PCDHGA7: variants seen among roughly 807,000 people sequenced by gnomAD.
PCDHGA7 encodes protocadherin gamma-A7.
PCDHGA7 carries 44 observed loss-of-function variants against 58.3 expected under a neutral mutation model. That is an observed-to-expected ratio of 0.75 (90% CI 0.59 to 0.97). The LOEUF (loss-of-function observed/expected upper bound fraction) is 0.97, where lower values mean the gene tolerates loss of function less well. PCDHGA7 is among the 50% of genes least tolerant of loss of function. The pLI is 0.00. For synonymous variants in PCDHGA7, 516 were observed against 504.2 expected, an observed-to-expected ratio of 1.02 and a Z score of -0.31; for missense variants, 1,266 against 1,188.7, an observed-to-expected ratio of 1.06 and a Z score of -0.96.
At chr5:141,403,905 A>G in intron 1 of PCDHGA7, 1 of 1,613,894 alleles carries the variant, frequency 6.2e-7, no homozygotes, top group Non-Finnish European at 8.5e-7. Context: ...TATGAAATGG[A>G]AATACAAGCT....
At chr5:141,501,841 C>T (rs2099811330) in intron 2 of PCDHGA7, among the ~76,000 whole-genome samples, 1 of 152,130 alleles carries the variant, frequency 6.6e-6, no homozygotes, top group African/African-American at 2.4e-5. Flanking sequence ...CTGTTTGGCC[C>T]TCAACCTTCA....
intron 1 of PCDHGA7, among the ~76,000 whole-genome samples, chr5:141,425,820 C>T (rs978139996): frequency 6.6e-6 from 1 of 152,156 alleles, no homozygotes; most frequent in Admixed American, 6.5e-5. Flanking sequence ...TAGAAAAAAA[C>T]AAACTTTTAA....
At chr5:141,419,152 G>A (rs2096335735) in intron 1 of PCDHGA7, 25 of 1,613,916 alleles carry the variant, frequency 1.5e-5, no homozygotes, top group East Asian at 4.5e-5. Context: ...GCAAGCCTCC[G>A]TTATCCTCCA....
Position 141,383,630 on chromosome 5 carries a change from T to C in PCDHGA7, c.731T>C (p.Leu244Pro). ...AATGACCACACGCCTGTCTTCTCTC[T>C]GCCTCAGTACCAAGTAACTGTCCCC... Reference protein sequence around the residue: ...DVNDHTPVFSLPQYQVTVPEN... With the variant: ...DVNDHTPVFSPPQYQVTVPEN... The change falls in exon 1 of 4, where the codon CTG becomes CCG. Residue 244 changes from leucine to proline, a missense_variant. Transcript: ENST00000518325. 1 of 1,613,986 alleles carries C rather than the reference T, an allele frequency of 6.2e-7. No individual in the cohort carries two copies. The highest frequency in any genetic ancestry group is 8.5e-7 in the Non-Finnish European group (1 of 1,179,904).
Position 141,389,732 on chromosome 5 carries a change from C to T in PCDHGA7, c.2424+4409C>T, listed in dbSNP as rs765577336. 11 of 1,612,674 alleles carry T rather than the reference C, an allele frequency of 6.8e-6. No homozygotes were observed. The South Asian group carries it at 1.2e-4, about 18-fold the overall frequency. ...AGGCTAGCGAGCCCGGGCTCTTCAGCCTGGGGCTGCGCACGGGCGAAGTGC... is the reference window on the plus strand; with the variant it reads ...AGGCTAGCGAGCCCGGGCTCTTCAGTCTGGGGCTGCGCACGGGCGAAGTGC... On this transcript the variant is annotated intron_variant, in intron 1 of 3. Transcript: ENST00000518325.
chr5:141,475,731 C>T (rs991175739), intron 1 of PCDHGA7, among the ~76,000 whole-genome samples: 1 of 152,248 alleles, frequency 6.6e-6, no homozygotes, highest in African/African-American at 2.4e-5. Context: ...GGCTGGCTTT[C>T]CCTAAGGTAG....
chr5:141,418,626 C>A (rs1237600131), intron 1 of PCDHGA7: 2 of 1,613,902 alleles, frequency 1.2e-6, no homozygotes, highest in African/African-American at 2.7e-5. Context: ...GAAGACGTGC[C>A]TCCAGGCACC....
At position 141,505,390 on chromosome 5, in the gene PCDHGA7, C is replaced by T; in HGVS notation, c.2484-3C>T. On this transcript the variant is annotated splice_polypyrimidine_tract_variant and splice_region_variant and intron_variant, in intron 2 of 3. Coordinates refer to ENST00000518325, the MANE Select transcript of PCDHGA7 (RefSeq NM_018920.4). ...TGTGCTCACCATCCTACTCTCTCCCCAGCTCCCAAAATGGCGATGACACCG... is the reference window on the plus strand; with the variant it reads ...TGTGCTCACCATCCTACTCTCTCCCTAGCTCCCAAAATGGCGATGACACCG... The T allele has an allele frequency of 6.2e-7, 1 of 1,614,130 alleles. No individual in the cohort carries two copies.
intron 1 of PCDHGA7, chr5:141,400,093 C>G (rs1225718379): frequency 1.2e-6 from 2 of 1,614,094 alleles, no homozygotes; most frequent in Non-Finnish European, 1.7e-6. Context: ...CACCGCCACG[C>G]TGCACTTGGT....
rs372721131 is a variant in PCDHGA7, at chr5:141,384,652, G to T, written c.1753G>T (p.Gly585Cys). 6.2e-7 allele frequency: 1 copy of T among 1,614,228 alleles called. No homozygotes were observed. The highest frequency in any genetic ancestry group is 1.1e-5 in the South Asian group (1 of 91,086). The change falls in exon 1 of 4, where the codon GGC (glycine) becomes TGC (cysteine). Residue 585 changes from glycine (G) to cysteine (C), a missense_variant. Gly to Cys is a radical substitution (Grantham distance 159, BLOSUM62 -3). Transcript: ENST00000518325. ...MELAPRSAEP[G>C]YLVTKVVAVD... Reference sequence around the variant, plus strand: ...GCTGGCACCCCGCTCCGCAGAGCCCGGCTACCTGGTGACCAAGGTGGTGGC... The same window carrying T: ...GCTGGCACCCCGCTCCGCAGAGCCCTGCTACCTGGTGACCAAGGTGGTGGC...
chr5:141,442,343 G>C (rs1300318674), intron 1 of PCDHGA7: 1 of 152,336 alleles, frequency 6.6e-6, no homozygotes, highest in Non-Finnish European at 1.5e-5. Flanking sequence ...CAGGTTTCTG[G>C]GTAACTGTAG....
chr5:141,476,455 G>C lies in PCDHGA7; in HGVS notation c.2425-18352G>C, dbSNP rs572682842. On this transcript the variant is annotated intron_variant, in intron 1 of 3. Transcript: ENST00000518325. The surrounding 1 kb of genome is among the most constrained non-coding windows in gnomAD (Gnocchi z 7.6). ...CTGTAACTCTGGAGTTGGTAGTGGA[G>C]AACCCGCTGGAGCTGTTCAGCGTGG... 22 of 1,614,152 alleles carry C rather than the reference G, an allele frequency of 1.4e-5. No homozygotes were observed. In the South Asian group the frequency reaches 2.4e-4, roughly 18 times the overall value.
chr5:141,438,619 TATATATATATATATATACACAC>T (rs1408639052), intron 1 of PCDHGA7, among the ~76,000 whole-genome samples: 61 of 39,666 alleles, frequency 1.5e-3, no homozygotes, highest in African/African-American at 9.2e-3. Context: ...TATATATATA[TATATATATATATATATACACAC>T]ACACACACAC....
At chr5:141,409,434 A>T in intron 1 of PCDHGA7, 2 of 1,613,992 alleles carry the variant, frequency 1.2e-6, no homozygotes, top group Non-Finnish European at 1.7e-6. Context: ...GGAGCCCTGG[A>T]CCGAGAGCAG....
chr5:141,394,132 T>C, intron 1 of PCDHGA7: 1 of 1,613,980 alleles, frequency 6.2e-7, no homozygotes, highest in Non-Finnish European at 8.5e-7. Flanking sequence ...CAAATCGCTC[T>C]GCACGTGGCA....
rs1008664105 is a variant in PCDHGA7, at chr5:141,432,402, T to C, written c.2424+47079T>C. 6.2e-7 allele frequency: 1 copy of C among 1,614,194 alleles called. No homozygotes were observed. The highest frequency in any genetic ancestry group is 1.1e-5 in the South Asian group (1 of 91,082). On this transcript the variant is annotated intron_variant, in intron 1 of 3. Transcript: ENST00000518325. The surrounding 1 kb of genome is among the most constrained non-coding windows in gnomAD (Gnocchi z 6.0). ...CCGCCCCTCAGCAGCAACGTGTCGT[T>C]GAGCCTGTTCGTGCTGGACCAGAAC...
chr5:141,432,025 G>T lies in PCDHGA7; in HGVS notation c.2424+46702G>T. ...AGGTTCCTAGCTACAACATCACAGT[G>T]ACCGCCACTGACCGGGGAACCCCGC... On this transcript the variant is annotated intron_variant, in intron 1 of 3. Coordinates refer to ENST00000518325, the MANE Select transcript of PCDHGA7 (RefSeq NM_018920.4). The surrounding 1 kb of genome is among the most constrained non-coding windows in gnomAD (Gnocchi z 6.0). The T allele has an allele frequency of 6.2e-7, 1 of 1,614,158 alleles. No homozygotes were observed. The highest frequency in any genetic ancestry group is 1.1e-5 in the South Asian group (1 of 91,058).
intron 1 of PCDHGA7, among the ~76,000 whole-genome samples, chr5:141,492,869 A>G (rs975868829): frequency 6.6e-6 from 1 of 152,010 alleles, no homozygotes; most frequent in African/African-American, 2.4e-5. Context: ...CTGGCTCTCA[A>G]CCCCCAGAGA....
At chr5:141,399,627 C>A (rs751717107) in intron 1 of PCDHGA7, 19 of 1,613,788 alleles carry the variant, frequency 1.2e-5, no homozygotes, top group Non-Finnish European at 1.6e-5. Flanking sequence ...TGGCCTCTTA[C>A]GTGTCCATGA....
Sources: allele counts gnomAD v4.1 joint callset (sites outside exome capture counted in the v4.1 genomes callset), GRCh38; gene constraint gnomAD v4.1.1; non-coding constraint Gnocchi (gnomAD v3.1); transcripts MANE v1.5; gene names NCBI Gene and HGNC (gene_info 2026-07-23, HGNC 2026-07-21).